Variants in ZFP14 observed in about 807,000 individuals in gnomAD.
ZFP14 encodes the protein zinc finger protein 14 homolog.
ZFP14 carries 22 observed loss-of-function variants against 54.5 expected under a neutral mutation model. That is an observed-to-expected ratio of 0.40 (90% CI 0.29 to 0.58). ZFP14 has a LOEUF of 0.58. Among genes scored for constraint, ZFP14 ranks in the 20% least tolerant of loss-of-function variants. The pLI, the probability that ZFP14 is intolerant of heterozygous loss-of-function variation, is 0.39. For missense variants in ZFP14, 470 were observed against 637.8 expected (o/e 0.74, Z 2.83); for synonymous variants, 159 against 204.0 (o/e 0.78, Z 1.88).
intron 1 of ZFP14, among the ~76,000 whole-genome samples, chr19:36,373,578 A>AT (rs1491233780): frequency 4.6e-5 from 7 of 152,198 alleles, no homozygotes; most frequent in Non-Finnish European, 8.8e-5. Context: ...AAGGTAATTC[A>AT]TATGTTAATT....
intron 4 of ZFP14, among the ~76,000 whole-genome samples, chr19:36,346,399 A>G (rs2031414772): frequency 6.6e-6 from 1 of 152,202 alleles, no homozygotes; most frequent in African/African-American, 2.4e-5. Flanking sequence ...GAAAAAGGAA[A>G]GCATTCAAAC....
intron 4 of ZFP14, among the ~76,000 whole-genome samples, chr19:36,348,186 T>C (rs2031453261): frequency 6.6e-6 from 1 of 152,244 alleles, no homozygotes; most frequent in Non-Finnish European, 1.5e-5. Flanking sequence ...TTGGGTGCCA[T>C]GTAATAATAC....
chr19:36,376,633 C>A (rs2031966977), intron 1 of ZFP14, among the ~76,000 whole-genome samples: 1 of 151,956 alleles, frequency 6.6e-6, no homozygotes, highest in African/African-American at 2.4e-5. Context: ...AAGGAGGGTA[C>A]AAAGATAAAA....
At chr19:36,371,692 C>G (rs939109711) in intron 1 of ZFP14, among the ~76,000 whole-genome samples, 1 of 152,086 alleles carries the variant, frequency 6.6e-6, no homozygotes. Flanking sequence ...GGCACAGAGG[C>G]TCATGCCTAT....
At chr19:36,374,963 C>T (rs751925037) in intron 1 of ZFP14, among the ~76,000 whole-genome samples, 27 of 150,642 alleles carry the variant, frequency 1.8e-4, no homozygotes, top group Non-Finnish European at 3.5e-4. Context: ...TTTTTTACTT[C>T]GGCTTCTCAT....
chr19:36,372,903 G>A (rs1404071084), intron 1 of ZFP14, among the ~76,000 whole-genome samples: 1 of 152,190 alleles, frequency 6.6e-6, no homozygotes, highest in Non-Finnish European at 1.5e-5. Context: ...AGATGAATCT[G>A]GAAGGACGTT....
In ZFP14 at chr19:36,338,865, C is replaced by CA. The variant is rs1216596501; in HGVS notation, c.*1358dup. On this transcript the variant is annotated 3_prime_UTR_variant, in exon 5 of 5. Transcript: ENST00000270001. ...TTTTATACACACACATAAATATACA[C>CA]AACAATATTAAATTCCTAGGTGGTT... 1 of 152,184 alleles carries CA rather than the reference C, an allele frequency of 6.6e-6. No homozygotes were observed. Among genetic ancestry groups the CA allele is most frequent in the Non-Finnish European group, 1.5e-5 (1 of 68,036 alleles). 9.4% of individuals were successfully genotyped at this position (152,184 alleles called of 1,614,324 possible).
At position 36,335,899 on chromosome 19, in the gene ZFP14, T is replaced by A. The variant is rs2031185458; in HGVS notation, c.*4325A>T. On this transcript the variant is annotated 3_prime_UTR_variant, in exon 5 of 5. Coordinates refer to ENST00000270001, the MANE Select transcript of ZFP14 (RefSeq NM_020917.3). ...ACAGGTGCCCGCCACCATGACAGGC[T>A]AATTTTTGTATTTTTAGTAGAGATG... The A allele has an allele frequency of 6.6e-6, 1 of 152,036 alleles. No homozygotes were observed. Among genetic ancestry groups the A allele is most frequent in the Non-Finnish European group, 1.5e-5 (1 of 68,020 alleles). 9.4% of individuals were successfully genotyped at this position (152,036 alleles called of 1,614,324 possible). A position where few individuals can be genotyped will look rare whatever the true frequency, so the allele number is the denominator to read the frequency against.
intron 2 of ZFP14, among the ~76,000 whole-genome samples, chr19:36,364,928 TTTTA>T (rs2031767671): frequency 6.6e-6 from 1 of 151,606 alleles, no homozygotes; most frequent in Non-Finnish European, 1.5e-5. Flanking sequence ...TTTCCCATCA[TTTTA>T]TTTACTTTCT....
At chr19:36,353,425 G>T (rs1339020829) in intron 4 of ZFP14, among the ~76,000 whole-genome samples, 1 of 142,888 alleles carries the variant, frequency 7.0e-6, no homozygotes, top group East Asian at 2.1e-4. Flanking sequence ...TGTAGGCCGG[G>T]TGTGGTGGCT....
At chr19:36,342,380 T>A (rs2145540250) in intron 4 of ZFP14, among the ~76,000 whole-genome samples, 1 of 151,460 alleles carries the variant, frequency 6.6e-6, no homozygotes, top group Admixed American at 6.6e-5. Flanking sequence ...AGAGACAGGG[T>A]TTCACCATGT....
intron 4 of ZFP14, among the ~76,000 whole-genome samples, chr19:36,357,741 G>GT (rs2031639511): frequency 6.7e-6 from 1 of 149,154 alleles, no homozygotes; most frequent in African/African-American, 2.5e-5. Context: ...TGAAGTTTTT[G>GT]TTTTTTGTTT....
At position 36,341,692 on chromosome 19, in the gene ZFP14, T is replaced by C; in HGVS notation, c.236-102A>G. 3.7e-6 allele frequency: 4 copies of C among 1,090,016 alleles called. No homozygotes were observed. The highest frequency in any genetic ancestry group is 3.0e-4 in the Middle Eastern group (1 of 3,298). The allele number at this position is 1,090,016 out of a possible 1,614,324, so 67.5% of individuals were successfully genotyped here. On this transcript the variant is annotated intron_variant, in intron 4 of 4. Transcript: ENST00000270001. This position sits in a 1 kb window ranked among gnomAD's most constrained non-coding sequence, Gnocchi z 4.2. ...TTCTATAGAGAAAAGGCACCTAAAA[T>C]AATGCCTGTTACAAATTGAATGGAT...
chr19:36,364,375 G>A (rs576672441), intron 2 of ZFP14, among the ~76,000 whole-genome samples: 7 of 152,260 alleles, frequency 4.6e-5, no homozygotes, highest in African/African-American at 1.7e-4. Context: ...AACAAGGTGA[G>A]GTGTTCCCTG....
At chr19:36,349,403 G>A (rs1600071132) in intron 4 of ZFP14, among the ~76,000 whole-genome samples, 3 of 150,134 alleles carry the variant, frequency 2.0e-5, no homozygotes, top group Non-Finnish European at 3.0e-5. Context: ...AGTGGCTCAC[G>A]CCTGTAATCC....
rs1402440962 is a variant in ZFP14, at chr19:36,356,157, G to GAAA, written c.235+4277_235+4278insTTT. 3.4e-4 allele frequency among the ~76,000 whole-genome samples: 34 copies of GAAA among 101,212 alleles called. 2 individuals are homozygous for GAAA. The highest frequency in any genetic ancestry group is 8.6e-4 in the East Asian group (3 of 3,492). 66.4% of individuals were successfully genotyped at this position (101,212 alleles called of 152,430 possible). A position where few individuals can be genotyped will look rare whatever the true frequency, so the allele number is the denominator to read the frequency against. ...TTCAAAACAAGAAATTAATGGGGCT[G>GAAA]GGCGCAGTAGCTCATGCCTCTAATC... On this transcript the variant is annotated intron_variant, in intron 4 of 4. Coordinates refer to ENST00000270001, the MANE Select transcript of ZFP14 (RefSeq NM_020917.3).
chr19:36,340,924 C>A lies in ZFP14; in HGVS notation c.902G>T (p.Arg301Leu). The A allele has an allele frequency of 6.2e-7, 1 of 1,613,332 alleles. No individual in the cohort carries two copies. Among genetic ancestry groups the A allele is most frequent in the Non-Finnish European group, 8.5e-7 (1 of 1,179,804 alleles). Residue 301 changes from arginine (R) to leucine (L), a missense_variant, in exon 5 of 5, where the codon CGC (arginine) becomes CTC (leucine). Transcript: ENST00000270001. The surrounding 1 kb of genome is among the most constrained non-coding windows in gnomAD (Gnocchi z 5.4). ...TTCAGCAGTATGAAGTCTCTGATGGCGTGTAAGGTGTGTACACTGTCTAAA... is the reference window on the plus strand; with the variant it reads ...TTCAGCAGTATGAAGTCTCTGATGGAGTGTAAGGTGTGTACACTGTCTAAA... ...KTFRQCTHLT[R>L]HQRLHTAEKL...
At chr19:36,378,631 T>C (rs1401692899) in intron 1 of ZFP14, 1 of 152,234 alleles carries the variant, frequency 6.6e-6, no homozygotes, top group Non-Finnish European at 1.5e-5. Flanking sequence ...CCCCGCTGCC[T>C]TCCTAAAGAA....
At chr19:36,359,130 A>G (rs2031668009) in intron 4 of ZFP14, among the ~76,000 whole-genome samples, 3 of 152,214 alleles carry the variant, frequency 2.0e-5, no homozygotes, top group Admixed American at 2.0e-4. Flanking sequence ...CTGAATTTCA[A>G]GGTATTCTGT....
Sources: allele counts gnomAD v4.1 joint callset (sites outside exome capture counted in the v4.1 genomes callset), GRCh38; gene constraint gnomAD v4.1.1; non-coding constraint Gnocchi (gnomAD v3.1); transcripts MANE v1.5; gene names NCBI Gene and HGNC (gene_info 2026-07-23, HGNC 2026-07-21).